Variants in NOSTRIN observed in about 807,000 individuals in gnomAD.
NOSTRIN encodes nitric oxide synthase trafficking.
Under a neutral mutation model 59.0 loss-of-function variants are expected in NOSTRIN, and 63 were observed. That is an observed-to-expected ratio of 1.07 (90% confidence interval 0.87 to 1.32). The LOEUF is 1.32. NOSTRIN is among the 40% of genes most tolerant of loss of function. The pLI is 0.00. For missense variants in NOSTRIN, 512 were observed against 473.1 expected (o/e 1.08, Z -0.76); for synonymous variants, 200 against 165.4 (o/e 1.21, Z -1.61).
intron 2 of NOSTRIN, among the ~76,000 whole-genome samples, chr2:168,820,768 T>C (rs974901751): frequency 6.6e-6 from 1 of 151,852 alleles, no homozygotes; most frequent in Non-Finnish European, 1.5e-5. Context: ...GGACCCCTTT[T>C]TCATACCACC....
chr2:168,821,668 CCT>C (rs1686749925), intron 2 of NOSTRIN, among the ~76,000 whole-genome samples: 2 of 152,178 alleles, frequency 1.3e-5, no homozygotes, highest in Admixed American at 1.3e-4. Context: ...ACGGGGCAAA[CCT>C]CTGAGGCAGT....
At chr2:168,794,507 G>T (rs891805052), upstream of NOSTRIN, among the ~76,000 whole-genome samples, 1 of 150,072 alleles carries the variant, frequency 6.7e-6, no homozygotes, top group Non-Finnish European at 1.5e-5. Flanking sequence ...GCCCGCCACC[G>T]CGCCTGGCTA....
rs758637043 is a variant in NOSTRIN at position 168,802,701 on chromosome 2, C to T, written c.27+28C>T. The T allele has an allele frequency of 5.8e-6, 5 of 867,380 alleles. No homozygotes were observed. In the South Asian group the frequency reaches 6.7e-5, roughly 12 times the overall value. The allele number at this position is 867,380 out of a possible 1,614,324, so 53.7% of individuals were successfully genotyped here. A position where few individuals can be genotyped will look rare whatever the true frequency, so the allele number is the denominator to read the frequency against. ...GAGTAGCTCAGTGTGGTTTGTGTGC[C>T]TGCGTGTGAGGAGGGTGGAGGGTGG... is the stretch of plus-strand genomic sequence containing the variant. On this transcript the variant is annotated intron_variant, in intron 1 of 15. Transcript: ENST00000317647.
At chr2:168,833,290 G>T (rs1156648465) in intron 6 of NOSTRIN, among the ~76,000 whole-genome samples, 3 of 152,136 alleles carry the variant, frequency 2.0e-5, no homozygotes, top group Admixed American at 2.0e-4. Context: ...GCAGGCATGT[G>T]GCTGACGGGA....
chr2:168,848,053 C>G (rs1688531402), intron 8 of NOSTRIN, among the ~76,000 whole-genome samples: 1 of 152,202 alleles, frequency 6.6e-6, no homozygotes, highest in Non-Finnish European at 1.5e-5. Flanking sequence ...TTTATTTTCT[C>G]TTCTCTCTTG....
chr2:168,864,587 T>A (rs1689735842), intron 15 of NOSTRIN, among the ~76,000 whole-genome samples: 1 of 152,182 alleles, frequency 6.6e-6, no homozygotes, highest in Admixed American at 6.5e-5. Context: ...GCCCAGCCAA[T>A]CCTGTCTTTA....
chr2:168,830,768 A>T (rs998119788), intron 5 of NOSTRIN, among the ~76,000 whole-genome samples: 15 of 152,382 alleles, frequency 9.8e-5, no homozygotes, highest in African/African-American at 3.4e-4. Context: ...GACACACAGT[A>T]AAACTGGCAG....
chr2:168,850,187 A>C (rs1193403694), intron 8 of NOSTRIN, among the ~76,000 whole-genome samples: 1 of 152,212 alleles, frequency 6.6e-6, no homozygotes, highest in African/African-American at 2.4e-5. Flanking sequence ...TGCTGGGATT[A>C]TAGGCATGAG....
At chr2:168,840,827 G>A (rs909546674) in intron 7 of NOSTRIN, among the ~76,000 whole-genome samples, 4 of 152,140 alleles carry the variant, frequency 2.6e-5, no homozygotes, top group African/African-American at 7.2e-5. Flanking sequence ...GCATCAGAAC[G>A]ATCTGGGGAG....
intron 7 of NOSTRIN, 38 bp from the exon 8 acceptor site, chr2:168,842,954 T>C: frequency 1.2e-6 from 1 of 859,088 alleles, no homozygotes; most frequent in Non-Finnish European, 2.0e-6. Context: ...CTTTCAAAAA[T>C]GTGTTAGTAA....
upstream of NOSTRIN, among the ~76,000 whole-genome samples, chr2:168,796,948 T>A (rs1274010758): frequency 7.2e-5 from 11 of 152,214 alleles, no homozygotes; most frequent in Admixed American, 7.2e-4. Context: ...TTTAATTCAA[T>A]CAAATGAAAG....
chr2:168,858,968 T>C (rs1360344970), intron 12 of NOSTRIN: 1 of 152,398 alleles, frequency 6.6e-6, no homozygotes, highest in African/African-American at 2.4e-5. Context: ...TAGCTTGACT[T>C]ATTATGTTTA....
At chr2:168,834,496 C>CGCGCGT (rs1553527001) in intron 7 of NOSTRIN, among the ~76,000 whole-genome samples, 171 bp downstream of exon 7, 1 of 59,682 alleles carries the variant, frequency 1.7e-5, no homozygotes, top group Non-Finnish European at 3.4e-5. Context: ...GGCGTGCGCG[C>CGCGCGT]GCGCGCGCGC....
intron 1 of NOSTRIN, among the ~76,000 whole-genome samples, chr2:168,808,828 A>G (rs1476921904): frequency 2.0e-5 from 3 of 152,214 alleles, no homozygotes; most frequent in African/African-American, 7.2e-5. Flanking sequence ...CCCAACGGGG[A>G]TTTAAAAAGA....
rs1002570103 is a variant in NOSTRIN, at chr2:168,791,890, G to A, written c.-473+3842G>A. ...TATAGATTCTGGATATTAGCCCTTC[G>A]TCAGATGAGTAGGTGGCAAAAATTT... On this transcript the variant is annotated intron_variant, in intron 2 of 20. Coordinates refer to the NOSTRIN transcript ENST00000458381. Among the ~76,000 whole-genome samples the A allele has an allele frequency of 5.3e-5, 8 of 152,238 alleles. No homozygotes were observed. The South Asian group carries it at 6.2e-4, about 12-fold the overall frequency.
chr2:168,848,330 G>A (rs866968743), intron 8 of NOSTRIN, among the ~76,000 whole-genome samples: 3 of 152,206 alleles, frequency 2.0e-5, no homozygotes, highest in African/African-American at 4.8e-5. Flanking sequence ...AGCCTCAGGG[G>A]ACTGCCAGCG....
intron 7 of NOSTRIN, among the ~76,000 whole-genome samples, 165 bp downstream of exon 7, chr2:168,834,490 T>G: frequency 1.1e-5 from 1 of 87,558 alleles, no homozygotes; most frequent in South Asian, 5.3e-4. Flanking sequence ...ATTACTGGCG[T>G]GCGCGCGCGC....
At chr2:168,846,245 C>T (rs550051052) in intron 8 of NOSTRIN, among the ~76,000 whole-genome samples, 2 of 152,250 alleles carry the variant, frequency 1.3e-5, no homozygotes, top group African/African-American at 4.8e-5. Flanking sequence ...CCTGAATTGA[C>T]TCAAAGAGGA....
chr2:168,793,088 C>T (rs1180081473), intron 2 of NOSTRIN, among the ~76,000 whole-genome samples: 1 of 152,180 alleles, frequency 6.6e-6, no homozygotes, highest in Admixed American at 6.5e-5. Context: ...GAAACTTGGG[C>T]TTCGTTCTAG....
Sources: allele counts gnomAD v4.1 joint callset (sites outside exome capture counted in the v4.1 genomes callset), GRCh38; gene constraint gnomAD v4.1.1; transcripts MANE v1.5; gene names NCBI Gene and HGNC (gene_info 2026-07-23, HGNC 2026-07-21).